PDE10A: variants seen among roughly 807,000 people sequenced by gnomAD.
PDE10A encodes the protein cAMP and cAMP-inhibited cGMP 3',5'-cyclic phosphodiesterase 10A.
In PDE10A, 39 loss-of-function variants were observed where a neutral mutation model predicts 97.7. The ratio of observed to expected loss-of-function variants is 0.40; its 90% CI spans 0.31 to 0.52. The LOEUF (loss-of-function observed/expected upper bound fraction) is 0.52, where lower values mean the gene tolerates loss of function less well. Ranked by LOEUF, PDE10A falls within the 20% of genes least tolerant of loss-of-function variation. The pLI, the probability that PDE10A is intolerant of heterozygous loss-of-function variation, is 0.56. For missense variants in PDE10A, 731 were observed against 1,047.8 expected (o/e 0.70, Z 4.17); for synonymous variants, 371 against 376.8 (o/e 0.98, Z 0.18).
chr6:165,435,753 T>C (rs3799179), intron 5 of PDE10A, among the ~76,000 whole-genome samples: 13,618 of 151,458 alleles, frequency 0.09, 718 homozygotes, highest in East Asian at 0.21. Context: ...ACTTGACACA[T>C]GTTACCTGAA....
At chr6:165,409,082 G>A (rs1279965028) in intron 13 of PDE10A, among the ~76,000 whole-genome samples, 2 of 148,878 alleles carry the variant, frequency 1.3e-5, no homozygotes, top group South Asian at 2.1e-4. Flanking sequence ...GGAGAATGGC[G>A]TGAACCTGGG....
chr6:165,747,997 C>G (rs1583030841), intron 1 of PDE10A, among the ~76,000 whole-genome samples: 1 of 152,128 alleles, frequency 6.6e-6, no homozygotes, highest in Admixed American at 6.5e-5. Flanking sequence ...GTTGCCGCAG[C>G]CAATAGCCCC....
intron 1 of PDE10A, among the ~76,000 whole-genome samples, chr6:165,657,802 T>C (rs1790040592): frequency 6.6e-6 from 1 of 152,252 alleles, no homozygotes; most frequent in Admixed American, 6.5e-5. Flanking sequence ...GCTCTGCCCT[T>C]TGGCCTTAAG....
At chr6:165,382,462 A>G (rs1784997289) in intron 17 of PDE10A, among the ~76,000 whole-genome samples, 1 of 152,146 alleles carries the variant, frequency 6.6e-6, no homozygotes, top group Non-Finnish European at 1.5e-5. Context: ...CATATTAGGG[A>G]GCATTATAGT....
At position 165,328,973 on chromosome 6, in the gene PDE10A, T is replaced by C. The variant is rs978991669; in HGVS notation, c.*4052A>G. ...ATGCGCTGAAAGCATGGGGAAACTA[T>C]AACGGATGACATACTTGGCTGATTT... On this transcript the variant is annotated 3_prime_UTR_variant, in exon 22 of 22. Transcript: ENST00000539869. 6.6e-6 allele frequency: 1 copy of C among 152,238 alleles called. No homozygotes were observed. Among genetic ancestry groups the C allele is most frequent in the Non-Finnish European group, 1.5e-5 (1 of 68,036 alleles). 9.4% of individuals were successfully genotyped at this position (152,238 alleles called of 1,614,324 possible). A position where few individuals can be genotyped will look rare whatever the true frequency, so the allele number is the denominator to read the frequency against.
intron 1 of PDE10A, among the ~76,000 whole-genome samples, chr6:165,695,778 G>C (rs1410262002): frequency 6.6e-6 from 1 of 152,202 alleles, no homozygotes; most frequent in East Asian, 1.9e-4. Flanking sequence ...AGGCTCGCTA[G>C]TGCACAAGGG....
chr6:165,352,371 T>C (rs943942227), intron 18 of PDE10A, among the ~76,000 whole-genome samples: 4 of 152,248 alleles, frequency 2.6e-5, no homozygotes, highest in African/African-American at 9.6e-5. Context: ...TCCTTCTGTG[T>C]TTTAGTATTA....
At chr6:165,497,613 G>T (rs1201369770) in intron 2 of PDE10A, among the ~76,000 whole-genome samples, 4 of 152,060 alleles carry the variant, frequency 2.6e-5, no homozygotes, top group African/African-American at 9.7e-5. Context: ...CTTTTCCATA[G>T]TTTACTTCAT....
intron 3 of PDE10A, among the ~76,000 whole-genome samples, chr6:165,465,296 G>C (rs193288111): frequency 1.8e-4 from 27 of 152,294 alleles, no homozygotes; most frequent in African/African-American, 4.8e-4. Flanking sequence ...GTAACACAGA[G>C]GAGGCCACTG....
intron 1 of PDE10A, among the ~76,000 whole-genome samples, chr6:165,804,887 G>T (rs1025009530): frequency 7.3e-5 from 11 of 151,614 alleles, no homozygotes; most frequent in Non-Finnish European, 1.5e-4. Context: ...GCGCGGAGGG[G>T]AGTGGGGCGT....
intron 1 of PDE10A, among the ~76,000 whole-genome samples, chr6:165,574,149 T>C (rs1785189076): frequency 6.6e-6 from 1 of 152,008 alleles, no homozygotes; most frequent in East Asian, 1.9e-4. Context: ...TAAGAGAAAG[T>C]GAGTCTTTTA....
At chr6:165,403,634 CTA>C (rs1786857226) in intron 13 of PDE10A, among the ~76,000 whole-genome samples, 1 of 152,234 alleles carries the variant, frequency 6.6e-6, no homozygotes, top group South Asian at 2.1e-4. Context: ...TACATATTTT[CTA>C]TATGTTTGTC....
At chr6:165,490,329 T>C (rs942766130) in intron 2 of PDE10A, among the ~76,000 whole-genome samples, 2 of 152,218 alleles carry the variant, frequency 1.3e-5, no homozygotes, top group Admixed American at 6.5e-5. Flanking sequence ...CCAAGAATTT[T>C]GTATCCAGTG....
At chr6:165,482,855 G>C (rs909526709) in intron 2 of PDE10A, among the ~76,000 whole-genome samples, 1 of 152,178 alleles carries the variant, frequency 6.6e-6, no homozygotes, top group Non-Finnish European at 1.5e-5. Flanking sequence ...GCTTTGTTCC[G>C]TGTGTCTGAG....
At chr6:165,853,703 C>T (rs1376342108) in intron 1 of PDE10A, among the ~76,000 whole-genome samples, 1 of 152,134 alleles carries the variant, frequency 6.6e-6, no homozygotes, top group Non-Finnish European at 1.5e-5. Flanking sequence ...ACATAAAAAA[C>T]GAACTTCCCC....
intron 1 of PDE10A, among the ~76,000 whole-genome samples, chr6:165,806,473 C>T (rs887159278): frequency 1.3e-5 from 2 of 152,230 alleles, no homozygotes; most frequent in African/African-American, 2.4e-5. Context: ...AACTATTTCA[C>T]GCTGTGCTGC....
chr6:165,782,727 A>G (rs1256762206), intron 1 of PDE10A, among the ~76,000 whole-genome samples: 1 of 152,168 alleles, frequency 6.6e-6, no homozygotes, highest in Non-Finnish European at 1.5e-5. Context: ...ATCAAGAACT[A>G]CGTCTTATCG....
At chr6:165,511,573 T>C (rs1434697757) in intron 2 of PDE10A, among the ~76,000 whole-genome samples, 1 of 151,984 alleles carries the variant, frequency 6.6e-6, no homozygotes, top group Non-Finnish European at 1.5e-5. Flanking sequence ...TTTGGTGATT[T>C]TCTTCCTAGA....
intron 3 of PDE10A, among the ~76,000 whole-genome samples, chr6:165,466,308 C>G (rs1302275610): frequency 6.6e-6 from 1 of 152,142 alleles, no homozygotes; most frequent in Non-Finnish European, 1.5e-5. Flanking sequence ...CTGACTGATA[C>G]AGCAAACATT....
Sources: allele counts gnomAD v4.1 joint callset (sites outside exome capture counted in the v4.1 genomes callset), GRCh38; gene constraint gnomAD v4.1.1; transcripts MANE v1.5; gene names NCBI Gene and HGNC (gene_info 2026-07-23, HGNC 2026-07-21).